The following NUP98 variants were observed in gnomAD, a reference collection of about 807,000 sequenced individuals.
NUP98 encodes the protein nuclear pore complex protein Nup98-Nup96.
In NUP98, 26 loss-of-function variants were observed where a neutral mutation model predicts 191.9. That is an observed-to-expected ratio of 0.14 (90% CI 0.10 to 0.19). The LOEUF is 0.19. Among genes scored for constraint, NUP98 ranks in the 10% least tolerant of loss-of-function variants. The probability of loss-of-function intolerance (pLI) is 1.00; values close to 1 mark genes in which losing one functional copy is unlikely to be tolerated. For missense variants in NUP98, 1,941 were observed against 2,178.8 expected (o/e 0.89, Z 2.17); for synonymous variants, 808 against 778.4 (o/e 1.04, Z -0.63).
At chr11:3,742,593 G>A (rs907560962) in intron 12 of NUP98, among the ~76,000 whole-genome samples, 7 of 150,970 alleles carry the variant, frequency 4.6e-5, no homozygotes, top group Admixed American at 1.3e-4. Context: ...CAGCTACTCA[G>A]GAAGCTGAGG....
In NUP98 at chr11:3,713,959, T is replaced by C; in HGVS notation, c.2436A>G (p.Thr812=). ...TTATTAAACAACGAGATGTTTTATC[T>C]GTTGGCCAAACTCCATCCAATGTAA... is the stretch of plus-strand genomic sequence containing the variant. ...AEVTLDGVWP[T]DKTSRCLIKS... The change falls in exon 19 of 33, where the codon ACA becomes ACG. Residue 812 remains threonine (T), a synonymous_variant. Transcript: ENST00000324932. 7 of 1,614,118 alleles carry C rather than the reference T, an allele frequency of 4.3e-6. No individual in the cohort carries two copies. The highest frequency in any genetic ancestry group is 5.9e-6 in the Non-Finnish European group (7 of 1,179,982).
chr11:3,794,786 G>C (rs1358490796), intron 1 of NUP98, among the ~76,000 whole-genome samples: 1 of 150,304 alleles, frequency 6.7e-6, no homozygotes, highest in African/African-American at 2.5e-5. Context: ...CCTAATTTTT[G>C]TATTTTTCGT....
chr11:3,762,574 G>A (rs747126613), intron 9 of NUP98, among the ~76,000 whole-genome samples: 1 of 152,044 alleles, frequency 6.6e-6, no homozygotes, highest in African/African-American at 2.4e-5. Context: ...AGAACTAGGA[G>A]TTAAAAATTA....
intron 7 of NUP98, among the ~76,000 whole-genome samples, chr11:3,770,864 T>C (rs2081508891): frequency 6.6e-6 from 1 of 152,110 alleles, no homozygotes; most frequent in South Asian, 2.1e-4. Flanking sequence ...TCTTTTTTCT[T>C]TTCCGTCCTT....
At chr11:3,732,619 C>A (rs757632393) in intron 13 of NUP98, among the ~76,000 whole-genome samples, 1 of 152,098 alleles carries the variant, frequency 6.6e-6, no homozygotes, top group East Asian at 1.9e-4. Context: ...ACTCTGGGTA[C>A]CAGAAATAAA....
chr11:3,721,567 C>A (rs1310261057), intron 16 of NUP98, among the ~76,000 whole-genome samples: 1 of 151,778 alleles, frequency 6.6e-6, no homozygotes, highest in African/African-American at 2.4e-5. Context: ...GGCATGGTGG[C>A]GGGTGCTTGT....
rs2078307052 is a variant in NUP98, at chr11:3,691,427, G to C, written c.4374C>G (p.Gly1458=). ...AGTTTTGCTCCTCCGCTATCACACAGCCAGAACCCTCCAGATACGAAGGAA... is the reference window on the plus strand; with the variant it reads ...AGTTTTGCTCCTCCGCTATCACACACCCAGAACCCTCCAGATACGAAGGAA... ...SPLPSYLEGS[G]CVIAEEQNSQ... is the part of the protein sequence containing the mutation. The change falls in exon 28 of 33, where the codon GGC becomes GGG. Residue 1458 remains glycine, a synonymous_variant. Transcript: ENST00000324932. The C allele has an allele frequency of 6.2e-7, 1 of 1,614,040 alleles. No individual in the cohort carries two copies. Among genetic ancestry groups the C allele is most frequent in the Non-Finnish European group, 8.5e-7 (1 of 1,180,020 alleles).
intron 27 of NUP98, among the ~76,000 whole-genome samples, chr11:3,692,270 C>G (rs2078337281): frequency 6.6e-6 from 1 of 151,380 alleles, no homozygotes; most frequent in East Asian, 1.9e-4. Flanking sequence ...TATAATTGCC[C>G]CACTGCATGC....
rs753617573 is a variant in NUP98 at position 3,763,078 on chromosome 11, A to G, written c.949-39T>C. ...TATATAGATTAAAAGATATCCTGTAATAGTTTCCGTAACGAATCTCAGAGT... is the reference window on the plus strand; with the variant it reads ...TATATAGATTAAAAGATATCCTGTAGTAGTTTCCGTAACGAATCTCAGAGT... On this transcript the variant is annotated intron_variant, in intron 8 of 32. Transcript: ENST00000324932. 5.1e-6 allele frequency: 8 copies of G among 1,581,452 alleles called. No homozygotes were observed. In the East Asian group the frequency reaches 1.1e-4, roughly 22 times the overall value.
At chr11:3,718,091 G>A (rs891460565) in intron 18 of NUP98, among the ~76,000 whole-genome samples, 1 of 152,188 alleles carries the variant, frequency 6.6e-6, no homozygotes, top group African/African-American at 2.4e-5. Flanking sequence ...CATAGAATGA[G>A]TGTGAAAGTA....
chr11:3,697,465 A>G (rs996874946), intron 25 of NUP98, among the ~76,000 whole-genome samples: 1 of 152,146 alleles, frequency 6.6e-6, no homozygotes, highest in African/African-American at 2.4e-5. Context: ...AGGTTTGAAT[A>G]AGGATCTGAT....
chr11:3,699,338 G>C lies in NUP98; in HGVS notation c.3753C>G (p.His1251Gln). 1 of 1,613,870 alleles carries C rather than the reference G, an allele frequency of 6.2e-7. No individual in the cohort carries two copies. The highest frequency in any genetic ancestry group is 8.5e-7 in the Non-Finnish European group (1 of 1,179,736). Residue 1251 changes from histidine to glutamine, a missense_variant, in exon 25 of 33, where the codon CAC becomes CAG. Coordinates refer to ENST00000324932, the MANE Select transcript of NUP98 (RefSeq NM_016320.5). ...CACATAGTGTCCATGTCAGGCTCCA[G>C]TGCTTCACAACTAAGGCAGGAAGAG... The part of the protein sequence containing the change: ...GDLPEAQIVK[H>Q]WSLTWTLCEA...
At chr11:3,716,362 T>A (rs75134905) in intron 18 of NUP98, among the ~76,000 whole-genome samples, 21 of 152,266 alleles carry the variant, frequency 1.4e-4, no homozygotes, top group African/African-American at 4.3e-4. Flanking sequence ...TAGTTTTTTT[T>A]ATGTGTGCTC....
At chr11:3,749,309 C>T (rs1408378627) in intron 11 of NUP98, among the ~76,000 whole-genome samples, 3 of 145,996 alleles carry the variant, frequency 2.1e-5, no homozygotes, top group Admixed American at 7.0e-5. Flanking sequence ...AGCGAGACTC[C>T]GTCTCAAAAA....
intron 1 of NUP98, among the ~76,000 whole-genome samples, chr11:3,789,295 TTTC>T (rs1171229806): frequency 6.6e-6 from 1 of 152,154 alleles, no homozygotes; most frequent in Non-Finnish European, 1.5e-5. Context: ...AATGCCATAA[TTTC>T]TTATTTCTCA....
chr11:3,702,212 T>A (rs2078704245), intron 23 of NUP98, among the ~76,000 whole-genome samples: 2 of 150,106 alleles, frequency 1.3e-5, no homozygotes, highest in Admixed American at 6.7e-5. Flanking sequence ...CACCCCAGCC[T>A]GGGAAACAGA....
intron 17 of NUP98, 29 bp downstream of exon 17, chr11:3,720,683 T>G: frequency 8.4e-7 from 1 of 1,195,188 alleles, no homozygotes; most frequent in Non-Finnish European, 1.2e-6. Context: ...CTCTCTGGCT[T>G]AATCACTAAG....
Position 3,762,911 on chromosome 11 carries a change from A to C in NUP98, c.1077T>G (p.Ala359=). 1 of 1,613,714 alleles carries C rather than the reference A, an allele frequency of 6.2e-7. No individual in the cohort carries two copies. Among genetic ancestry groups the C allele is most frequent in the Non-Finnish European group, 8.5e-7 (1 of 1,179,912 alleles). Residue 359 remains alanine (A), a synonymous_variant, in exon 9 of 33, where the codon GCT becomes GCG. Coordinates refer to ENST00000324932, the MANE Select transcript of NUP98 (RefSeq NM_016320.5). ...AACTGCAGAAACCTACCGAACCAAC[A>C]GCACCAAATCCAGTATTGGTCTGCC... ...LFGQTNTGFG[A]VGSTLFGNNK...
chr11:3,688,115 G>A (rs909570655), intron 28 of NUP98, among the ~76,000 whole-genome samples: 3 of 143,656 alleles, frequency 2.1e-5, no homozygotes, highest in Non-Finnish European at 4.6e-5. Context: ...GGTTAAAACA[G>A]TAAATTTGGC....
Sources: allele counts gnomAD v4.1 joint callset (sites outside exome capture counted in the v4.1 genomes callset), GRCh38; gene constraint gnomAD v4.1.1; transcripts MANE v1.5; gene names NCBI Gene and HGNC (gene_info 2026-07-23, HGNC 2026-07-21).